Variants in TPD52 observed in about 807,000 individuals in gnomAD.
The protein encoded by TPD52 is prostate and colon associated protein.
Under a neutral mutation model 31.3 loss-of-function variants are expected in TPD52, and 17 were observed. The ratio of observed to expected loss-of-function variants is 0.54; its 90% CI spans 0.37 to 0.82. TPD52 has a LOEUF of 0.82. Ranked by LOEUF, TPD52 falls within the 40% of genes least tolerant of loss-of-function variation. TPD52 has a pLI of 0.00. For missense variants in TPD52, 212 were observed against 240.1 expected, an observed-to-expected ratio of 0.88 and a Z score of 0.77; for synonymous variants, 83 against 89.6, an observed-to-expected ratio of 0.93 and a Z score of 0.42.
At chr8:80,171,330 G>A in intron 1 of TPD52, 95 bp downstream of exon 1, 1 of 1,525,188 alleles carries the variant, frequency 6.6e-7, no homozygotes. Context: ...ACCTGCTCGA[G>A]CCGCCGGGCC....
intron 1 of TPD52, among the ~76,000 whole-genome samples, chr8:80,136,236 A>G (rs1207994849): frequency 6.7e-6 from 1 of 149,226 alleles, no homozygotes; most frequent in Non-Finnish European, 1.5e-5. Flanking sequence ...ACATTTAAGA[A>G]AACAATGGCC....
At position 80,036,587 on chromosome 8, in the gene TPD52, T is replaced by C. The variant is rs1809926944; in HGVS notation, c.*1529A>G. On this transcript the variant is annotated 3_prime_UTR_variant, in exon 8 of 8. Transcript: ENST00000518937. ...GTCTCATAATAAATATTGAGACCTA[T>C]ACTACTGATAGATGGAATTTATTAA... is the stretch of plus-strand genomic sequence containing the variant. 6.6e-6 allele frequency: 1 copy of C among 152,642 alleles called. No homozygotes were observed. Among genetic ancestry groups the C allele is most frequent in the South Asian group, 2.1e-4 (1 of 4,834 alleles). The allele number at this position is 152,642 out of a possible 1,614,324, so 9.5% of individuals were successfully genotyped here.
intron 1 of TPD52, among the ~76,000 whole-genome samples, chr8:80,136,523 CAAAAAAAAAAAAAAAA>C (rs56656428): frequency 6.0e-5 from 4 of 67,080 alleles, no homozygotes; most frequent in East Asian, 6.2e-4. Flanking sequence ...GACTCTGTCT[CAAAAAAAAAAAAAAAA>C]AAAAAAAAAA....
At chr8:80,072,315 A>ATGTGTGTGTGTG (rs1333429744) in intron 1 of TPD52, among the ~76,000 whole-genome samples, 45 of 70,432 alleles carry the variant, frequency 6.4e-4, no homozygotes, top group East Asian at 1.4e-3. Context: ...TAAAAAACAT[A>ATGTGTGTGTGTG]TATGTGTGTG....
At chr8:80,111,344 A>C (rs550701684) in intron 1 of TPD52, among the ~76,000 whole-genome samples, 1 of 152,340 alleles carries the variant, frequency 6.6e-6, no homozygotes, top group East Asian at 1.9e-4. Context: ...GGACAGTCTT[A>C]TGGGACTGAG....
At chr8:80,092,477 G>A (rs1482585712) in intron 1 of TPD52, among the ~76,000 whole-genome samples, 4 of 152,066 alleles carry the variant, frequency 2.6e-5, no homozygotes, top group African/African-American at 7.3e-5. Flanking sequence ...TTGCACGTGC[G>A]CGTTTATTGA....
chr8:80,154,713 A>G (rs1283410263), intron 1 of TPD52, among the ~76,000 whole-genome samples: 45 of 46,660 alleles, frequency 9.6e-4, no homozygotes, highest in Non-Finnish European at 2.1e-3. Flanking sequence ...ACATACACAC[A>G]CACACACACA....
chr8:80,126,362 GT>G (rs779307059), intron 1 of TPD52, among the ~76,000 whole-genome samples: 4,331 of 131,804 alleles, frequency 0.033, 171 homozygotes, highest in African/African-American at 0.11. Context: ...ACTCATTGAG[GT>G]TTTTTTTTTT....
chr8:80,104,661 A>AT (rs144170850), intron 1 of TPD52, among the ~76,000 whole-genome samples: 69,332 of 142,526 alleles, frequency 0.49, 17,053 homozygotes, highest in East Asian at 0.78. Context: ...GAGTCTGCTG[A>AT]TTTTTTTTTT....
chr8:80,150,197 C>G (rs1229230139), intron 1 of TPD52, among the ~76,000 whole-genome samples: 2 of 152,228 alleles, frequency 1.3e-5, no homozygotes, highest in Non-Finnish European at 2.9e-5. Context: ...GTGCAAGCCC[C>G]AAGCCTTGGC....
intron 1 of TPD52, among the ~76,000 whole-genome samples, chr8:80,114,423 GA>G (rs1244638208): frequency 5.3e-5 from 8 of 152,072 alleles, no homozygotes; most frequent in African/African-American, 1.9e-4. Flanking sequence ...TTAGAAGCAG[GA>G]ATTTTTTTTC....
At chr8:80,117,882 G>A (rs926767194) in intron 1 of TPD52, among the ~76,000 whole-genome samples, 2 of 151,750 alleles carry the variant, frequency 1.3e-5, no homozygotes, top group Admixed American at 1.3e-4. Context: ...ACAGGCGCGT[G>A]CCACCACTCC....
intron 1 of TPD52, among the ~76,000 whole-genome samples, chr8:80,105,226 G>A (rs2130949175): frequency 6.6e-6 from 1 of 152,114 alleles, no homozygotes; most frequent in Admixed American, 6.6e-5. Flanking sequence ...ATTGTCTTAT[G>A]CCCAATTTCT....
At chr8:80,133,152 C>T (rs1406973994) in intron 1 of TPD52, among the ~76,000 whole-genome samples, 3 of 152,174 alleles carry the variant, frequency 2.0e-5, no homozygotes, top group Non-Finnish European at 2.9e-5. Context: ...ACCAGGTATG[C>T]ACATATAACT....
chr8:80,115,161 C>T (rs903662794), intron 1 of TPD52, among the ~76,000 whole-genome samples: 5 of 152,188 alleles, frequency 3.3e-5, no homozygotes, highest in Non-Finnish European at 7.3e-5. Flanking sequence ...GGCTGCCCTA[C>T]ATTCAACCAC....
intron 1 of TPD52, among the ~76,000 whole-genome samples, chr8:80,146,778 G>GATCA: frequency 1.3e-5 from 2 of 152,296 alleles, no homozygotes; most frequent in Non-Finnish European, 2.9e-5. Context: ...ATAATGAAGT[G>GATCA]ATCAATATGT....
intron 1 of TPD52, among the ~76,000 whole-genome samples, chr8:80,167,103 C>T (rs1209669922): frequency 6.6e-6 from 1 of 152,016 alleles, no homozygotes; most frequent in Non-Finnish European, 1.5e-5. Flanking sequence ...TTTTTTAAAA[C>T]TTCCACTAAA....
At chr8:80,133,087 A>G (rs1809140010) in intron 1 of TPD52, among the ~76,000 whole-genome samples, 1 of 152,212 alleles carries the variant, frequency 6.6e-6, no homozygotes, top group Non-Finnish European at 1.5e-5. Flanking sequence ...TCTTAGCTGC[A>G]TAACCTTGGA....
chr8:80,069,685 TTAG>T (rs1367844101), intron 1 of TPD52, among the ~76,000 whole-genome samples: 1 of 152,054 alleles, frequency 6.6e-6, no homozygotes, highest in Admixed American at 6.6e-5. Flanking sequence ...AGGTTTTTTT[TTAG>T]TTTAACTATT....
Sources: gnomAD v4.1 joint callset for allele counts (sites outside exome capture counted in the v4.1 genomes callset) on GRCh38, gnomAD v4.1.1 for gene constraint, MANE v1.5 for transcripts, NCBI Gene and HGNC (gene_info 2026-07-23, HGNC 2026-07-21) for gene names.